PDZK1: variants seen among roughly 807,000 people sequenced by gnomAD.
PDZK1 encodes the protein PDZ domain containing 1.
Under a neutral mutation model 38.1 loss-of-function variants are expected in PDZK1, and 23 were observed. The observed-to-expected ratio is 0.60, with a 90% CI of 0.43 to 0.85. The LOEUF (loss-of-function observed/expected upper bound fraction) is 0.85, where lower values mean the gene tolerates loss of function less well. PDZK1 is among the 40% of genes least tolerant of loss of function. The pLI is 0.00. For synonymous variants in PDZK1, 98 were observed against 186.2 expected, an observed-to-expected ratio of 0.53 and a Z score of 3.86; for missense variants, 297 against 504.3, an observed-to-expected ratio of 0.59 and a Z score of 3.94.
intron 1 of PDZK1, among the ~76,000 whole-genome samples, chr1:145,694,568 C>G (rs1278296169): frequency 6.6e-6 from 1 of 152,134 alleles, no homozygotes; most frequent in Non-Finnish European, 1.5e-5. Context: ...TTCTCAAGAG[C>G]CTTTATAGTT....
At chr1:145,697,432 A>G (rs900094505) in intron 1 of PDZK1, among the ~76,000 whole-genome samples, 1 of 152,214 alleles carries the variant, frequency 6.6e-6, no homozygotes, top group African/African-American at 2.4e-5. Flanking sequence ...TTTTAGTGTC[A>G]TCAAAACTAA....
In PDZK1 at chr1:145,672,732, G is replaced by C. The variant is rs146471599; in HGVS notation, c.1504C>G (p.Arg502Gly). Residue 502 changes from arginine to glycine, a missense_variant and splice_region_variant, in exon 8 of 9, where the codon CGG becomes GGG. Arg to Gly is a moderately radical substitution (Grantham distance 125). Transcript: ENST00000417171. ...SNHDSHMAKERAHSTASHSSS... is the reference protein window; with the variant it reads ...SNHDSHMAKEGAHSTASHSSS... ...AAAAGAAATAGGCCCCCACTCACCC[G>C]TTCTTTTGCCATGTGCGAGTCATGG... The C allele has an allele frequency of 1.6e-5, 25 of 1,611,716 alleles. No homozygotes were observed. Among genetic ancestry groups the C allele is most frequent in the Non-Finnish European group, 2.1e-5 (25 of 1,179,768 alleles).
intron 2 of PDZK1, among the ~76,000 whole-genome samples, chr1:145,687,201 G>T (rs993646881): frequency 6.6e-6 from 1 of 151,986 alleles, no homozygotes; most frequent in Non-Finnish European, 1.5e-5. Flanking sequence ...ATGAGGTCAT[G>T]ATGAGGACTT....
At chr1:145,675,753 A>G (rs1300093067) in intron 6 of PDZK1, among the ~76,000 whole-genome samples, 1 of 152,108 alleles carries the variant, frequency 6.6e-6, no homozygotes, top group African/African-American at 2.4e-5. Flanking sequence ...TTGGTGGCTC[A>G]TGCCTGAAAT....
chr1:145,675,258 T>C lies in PDZK1; in HGVS notation c.991-1377A>G, dbSNP rs1313907230. Among the ~76,000 whole-genome samples the C allele has an allele frequency of 1.5e-3, 214 of 146,898 alleles. 1 individual carries two copies. Among genetic ancestry groups the C allele is most frequent in the Non-Finnish European group, 4.5e-4 (30 of 67,390 alleles). ...AACTGGCTGTTTTAGTTGAGACAAT[T>C]AGAAGGGTGGACCTGGGTATGGTGT... On this transcript the variant is annotated intron_variant, in intron 6 of 8. Transcript: ENST00000417171.
chr1:145,698,400 G>A (rs1450931930), intron 1 of PDZK1, among the ~76,000 whole-genome samples: 1 of 152,100 alleles, frequency 6.6e-6, no homozygotes, highest in Non-Finnish European at 1.5e-5. Flanking sequence ...AGAGAATGGA[G>A]CCCCCGAGCT....
chr1:145,692,792 T>C (rs1655330053), intron 1 of PDZK1, among the ~76,000 whole-genome samples: 1 of 151,390 alleles, frequency 6.6e-6, no homozygotes, highest in Non-Finnish European at 1.5e-5. Flanking sequence ...TCCAGCACTT[T>C]GGGAGGCCAA....
intron 1 of PDZK1, among the ~76,000 whole-genome samples, chr1:145,703,341 G>A (rs1656074956): frequency 6.6e-6 from 1 of 152,058 alleles, no homozygotes; most frequent in Admixed American, 6.6e-5. Flanking sequence ...CAACGTTGTG[G>A]GTGCTGGAAT....
intron 1 of PDZK1, among the ~76,000 whole-genome samples, chr1:145,694,988 A>C (rs1553703915): frequency 1.3e-5 from 2 of 152,040 alleles, no homozygotes; most frequent in African/African-American, 4.8e-5. Flanking sequence ...AATATGAAAC[A>C]AATTAAGGAA....
intron 6 of PDZK1, among the ~76,000 whole-genome samples, chr1:145,676,531 C>G (rs1359124780): frequency 6.7e-6 from 1 of 150,034 alleles, no homozygotes; most frequent in Non-Finnish European, 1.5e-5. Flanking sequence ...GTCAGGAGAT[C>G]GAGACCATCC....
chr1:145,689,731 T>A (rs587645958), intron 1 of PDZK1, among the ~76,000 whole-genome samples: 1 of 151,914 alleles, frequency 6.6e-6, no homozygotes, highest in African/African-American at 2.4e-5. Flanking sequence ...ACCTATCCCT[T>A]CCCTCCTGGA....
intron 4 of PDZK1, among the ~76,000 whole-genome samples, chr1:145,681,589 C>T (rs1205832654): frequency 2.1e-5 from 3 of 141,816 alleles, no homozygotes; most frequent in Non-Finnish European, 4.6e-5. Context: ...CGCCCGGCCC[C>T]TATCTCCACT....
chr1:145,680,335 C>T (rs1173155709), intron 5 of PDZK1, among the ~76,000 whole-genome samples: 11 of 152,022 alleles, frequency 7.2e-5, no homozygotes, highest in East Asian at 1.9e-4. Flanking sequence ...AACTTATGGG[C>T]GAATAGCAGT....
At chr1:145,703,918 A>G (rs894143208) in intron 1 of PDZK1, among the ~76,000 whole-genome samples, 3 of 151,502 alleles carry the variant, frequency 2.0e-5, no homozygotes, top group African/African-American at 7.3e-5. Flanking sequence ...AACCTCTGCC[A>G]CTTGGATTCA....
intron 1 of PDZK1, among the ~76,000 whole-genome samples, chr1:145,704,605 G>T (rs1656152843): frequency 6.6e-6 from 1 of 152,142 alleles, no homozygotes; most frequent in Non-Finnish European, 1.5e-5. Flanking sequence ...CTGATCTAGA[G>T]TGCAGGTTTC....
intron 1 of PDZK1, among the ~76,000 whole-genome samples, chr1:145,702,784 T>C (rs1553705168): frequency 6.6e-6 from 1 of 152,100 alleles, no homozygotes. Context: ...TCCAAGCTAC[T>C]CGGGAGGCTG....
rs139198298 is a variant in PDZK1, at chr1:145,682,622, A to G, written c.475T>C (p.Tyr159His). ...LKTVQGKKGV[Y>H]MTDITPQGVA... ...CCTTGAGGTGTAATATCAGTCATGTACACCCCCTTTTTACCTGGAAGAGAG... is the reference window on the plus strand; with the variant it reads ...CCTTGAGGTGTAATATCAGTCATGTGCACCCCCTTTTTACCTGGAAGAGAG... The change falls in exon 4 of 9, where the codon TAC (tyrosine) becomes CAC (histidine). Residue 159 changes from tyrosine (Y) to histidine (H), a missense_variant. Tyr to His is a moderately conservative substitution (Grantham distance 83). This residue lies in a region of PDZK1 where 159 missense variants were observed against 200.0 expected (regional missense o/e 0.79). Coordinates refer to ENST00000417171, the MANE Select transcript of PDZK1 (RefSeq NM_001201325.2). 490 of 1,611,958 alleles carry G rather than the reference A, an allele frequency of 3.0e-4. 6 individuals carry two copies. The highest frequency in any genetic ancestry group is 1.7e-5 in the Non-Finnish European group (20 of 1,179,846).
intron 2 of PDZK1, among the ~76,000 whole-genome samples, chr1:145,687,540 A>T (rs1654892386): frequency 6.6e-6 from 1 of 151,686 alleles, no homozygotes; most frequent in Admixed American, 6.6e-5. Flanking sequence ...AAAAAAAAAA[A>T]AAAAAAATAC....
At chr1:145,697,824 T>C (rs1251256941) in intron 1 of PDZK1, among the ~76,000 whole-genome samples, 1 of 138,826 alleles carries the variant, frequency 7.2e-6, no homozygotes, top group Non-Finnish European at 1.5e-5. Context: ...TTCACCATGT[T>C]GGTCAGGCTG....
Sources: gnomAD v4.1 joint callset for allele counts (sites outside exome capture counted in the v4.1 genomes callset) on GRCh38, gnomAD v4.1.1 for gene constraint, gnomAD v4.1.1 regional missense constraint, MANE v1.5 for transcripts, NCBI Gene and HGNC (gene_info 2026-07-23, HGNC 2026-07-21) for gene names.